SPECC1: variants seen among roughly 807,000 people sequenced by gnomAD.
The protein encoded by SPECC1 is cytospin-B.
SPECC1 carries 62 observed loss-of-function variants against 104.1 expected under a neutral mutation model. The ratio of observed to expected loss-of-function variants is 0.60; its 90% CI spans 0.49 to 0.74. The LOEUF is 0.74. SPECC1 is among the 30% of genes least tolerant of loss of function. The probability of loss-of-function intolerance (pLI) is 0.00; values close to 1 mark genes in which losing one functional copy is unlikely to be tolerated. For synonymous variants in SPECC1, 513 were observed against 501.6 expected (o/e 1.02, Z -0.30); for missense variants, 1,306 against 1,310.5 (o/e 1.00, Z 0.05).
chr17:20,179,062 C>G (rs1318259409), intron 3 of SPECC1, among the ~76,000 whole-genome samples: 3 of 151,958 alleles, frequency 2.0e-5, no homozygotes, highest in African/African-American at 7.3e-5. Context: ...GACATATCAG[C>G]CTGGGTTTTT....
chr17:20,085,322 A>G (rs976800398), intron 1 of SPECC1, among the ~76,000 whole-genome samples: 1 of 152,186 alleles, frequency 6.6e-6, no homozygotes, highest in Admixed American at 6.5e-5. Context: ...TTTGAAAGTC[A>G]GATGTGTCTG....
intron 4 of SPECC1, among the ~76,000 whole-genome samples, chr17:20,209,219 C>G (rs928527873): frequency 6.6e-6 from 1 of 152,138 alleles, no homozygotes; most frequent in East Asian, 1.9e-4. Context: ...CAGCAGGTAT[C>G]GGAGTAACTG....
chr17:20,202,314 G>A (rs550973256), intron 3 of SPECC1, among the ~76,000 whole-genome samples: 3 of 152,086 alleles, frequency 2.0e-5, no homozygotes, highest in East Asian at 1.9e-4. Context: ...ACCTCAGATC[G>A]CAGTAAAAAG....
intron 1 of SPECC1, among the ~76,000 whole-genome samples, chr17:20,011,264 A>T (rs1175771277): frequency 6.6e-6 from 1 of 152,164 alleles, no homozygotes; most frequent in Non-Finnish European, 1.5e-5. Flanking sequence ...GGTGTTGTTT[A>T]GGCAGTTAAT....
At chr17:20,154,478 G>A (rs779573512) in intron 3 of SPECC1, among the ~76,000 whole-genome samples, 12 of 152,194 alleles carry the variant, frequency 7.9e-5, no homozygotes, top group South Asian at 2.1e-4. Flanking sequence ...AACATGCCCC[G>A]CTTATTTGAG....
intron 8 of SPECC1, among the ~76,000 whole-genome samples, chr17:20,246,600 TGTC>T (rs1299003389): frequency 6.6e-6 from 1 of 152,208 alleles, no homozygotes; most frequent in African/African-American, 2.4e-5. Flanking sequence ...TTCCTGGTGT[TGTC>T]TGATGGTCTC....
chr17:20,186,466 T>C (rs1254286603), intron 3 of SPECC1, among the ~76,000 whole-genome samples: 1 of 152,230 alleles, frequency 6.6e-6, no homozygotes, highest in Non-Finnish European at 1.5e-5. Flanking sequence ...AAATGTATTA[T>C]CTGCAAAGCA....
At chr17:20,101,693 A>G (rs188579925) in intron 2 of SPECC1, among the ~76,000 whole-genome samples, 181 of 152,318 alleles carry the variant, frequency 1.2e-3, no homozygotes, top group African/African-American at 4.3e-3. Flanking sequence ...ATGATGAAAC[A>G]TTGGCTTAAG....
chr17:20,204,964 TGGAAATGC>T lies in SPECC1; in HGVS notation c.916_923del (p.Gly306IlefsTer9), dbSNP rs2036676833. The T allele has an allele frequency of 1.9e-6, 3 of 1,613,982 alleles. No homozygotes were observed. Among genetic ancestry groups the T allele is most frequent in the Non-Finnish European group, 2.5e-6 (3 of 1,180,020 alleles). Reference sequence around the variant, plus strand: ...TTGATGAGTATAAAAAAAACATACATGGAAATGCATTACGGACATCAGGCTCCTCAAGT... The same window carrying T: ...TTGATGAGTATAAAAAAAACATACATATTACGGACATCAGGCTCCTCAAGT... On this transcript the variant is annotated frameshift_variant, in exon 4 of 15. Coordinates refer to ENST00000395527, the MANE Select transcript of SPECC1 (RefSeq NM_001243439.2). LOFTEE classifies it high-confidence loss of function.
intron 12 of SPECC1, among the ~76,000 whole-genome samples, chr17:20,271,335 C>G (rs1015361028): frequency 6.6e-6 from 1 of 151,680 alleles, no homozygotes; most frequent in Non-Finnish European, 1.5e-5. Context: ...GGGTTTATTT[C>G]TTTTTCACTC....
At chr17:20,073,959 A>G (rs1265559401) in intron 1 of SPECC1, among the ~76,000 whole-genome samples, 3 of 152,202 alleles carry the variant, frequency 2.0e-5, no homozygotes, top group African/African-American at 7.2e-5. Context: ...CACTTGTTTT[A>G]TCTTGCAAGG....
chr17:20,276,669 G>A (rs1032864620), intron 12 of SPECC1, among the ~76,000 whole-genome samples: 4 of 152,094 alleles, frequency 2.6e-5, no homozygotes, highest in Non-Finnish European at 4.4e-5. Context: ...TTGAAGAGGT[G>A]GAAAAACCCA....
chr17:20,174,519 C>T (rs531564654), intron 3 of SPECC1, among the ~76,000 whole-genome samples: 5 of 152,086 alleles, frequency 3.3e-5, no homozygotes, highest in South Asian at 4.2e-4. Context: ...GATGCAGCTG[C>T]GATAGCTGCC....
intron 3 of SPECC1, among the ~76,000 whole-genome samples, chr17:20,118,144 C>G (rs1228484563): frequency 2.7e-5 from 4 of 149,332 alleles, no homozygotes; most frequent in Admixed American, 6.6e-5. Flanking sequence ...TAAAGCAAAA[C>G]AACAATTAGA....
intron 1 of SPECC1, among the ~76,000 whole-genome samples, chr17:20,067,560 A>T (rs1291120275): frequency 6.6e-6 from 1 of 152,098 alleles, no homozygotes; most frequent in African/African-American, 2.4e-5. Flanking sequence ...TATTGTCGTC[A>T]TTGTTCCATA....
At chr17:20,103,309 G>T (rs968364494) in intron 2 of SPECC1, among the ~76,000 whole-genome samples, 2 of 152,098 alleles carry the variant, frequency 1.3e-5, no homozygotes, top group African/African-American at 4.8e-5. Flanking sequence ...GCCCCTCCTG[G>T]GCTTTCTCCA....
chr17:20,143,327 A>G (rs1266025447), intron 3 of SPECC1, among the ~76,000 whole-genome samples: 1 of 149,626 alleles, frequency 6.7e-6, no homozygotes, highest in Non-Finnish European at 1.5e-5. Context: ...TCGAGGCTGT[A>G]GTGAGCTGTG....
chr17:20,165,241 C>A (rs372522016), intron 3 of SPECC1, among the ~76,000 whole-genome samples: 2 of 152,248 alleles, frequency 1.3e-5, no homozygotes, highest in African/African-American at 2.4e-5. Flanking sequence ...TTGTTCCCCC[C>A]ACCCCCTGTG....
At chr17:20,068,589 T>G (rs1030849895) in intron 1 of SPECC1, among the ~76,000 whole-genome samples, 4 of 152,230 alleles carry the variant, frequency 2.6e-5, no homozygotes, top group African/African-American at 7.2e-5. Context: ...CTGTACTTTT[T>G]CACATTTACG....
Sources: gnomAD v4.1 joint callset for allele counts (sites outside exome capture counted in the v4.1 genomes callset) on GRCh38, gnomAD v4.1.1 for gene constraint, MANE v1.5 for transcripts, NCBI Gene and HGNC (gene_info 2026-07-23, HGNC 2026-07-21) for gene names.